The following ELOVL4 variants were observed in gnomAD, a reference collection of about 807,000 sequenced individuals.
ELOVL4 encodes the protein very long chain fatty acid elongase 4.
Under a neutral mutation model 42.1 loss-of-function variants are expected in ELOVL4, and 18 were observed. The observed-to-expected ratio is 0.43, with a 90% CI of 0.30 to 0.63. ELOVL4 has a LOEUF of 0.63. ELOVL4 is among the 30% of genes least tolerant of loss of function. The probability of loss-of-function intolerance (pLI) is 0.15; values close to 1 mark genes in which losing one functional copy is unlikely to be tolerated. For synonymous variants in ELOVL4, 117 were observed against 127.0 expected, an observed-to-expected ratio of 0.92 and a Z score of 0.53; for missense variants, 299 against 376.2, an observed-to-expected ratio of 0.79 and a Z score of 1.70.
At chr6:79,929,938 G>C (rs1043783214) in intron 1 of ELOVL4, among the ~76,000 whole-genome samples, 1 of 152,160 alleles carries the variant, frequency 6.6e-6, no homozygotes, top group Non-Finnish European at 1.5e-5. Context: ...AATAAATAAA[G>C]AGTAGATAAT....
intron 1 of ELOVL4, among the ~76,000 whole-genome samples, chr6:79,939,276 T>C (rs1228705938): frequency 6.6e-6 from 1 of 152,134 alleles, no homozygotes; most frequent in African/African-American, 2.4e-5. Flanking sequence ...TATATGAAAT[T>C]CTTGCATTGC....
intron 4 of ELOVL4, among the ~76,000 whole-genome samples, chr6:79,920,663 A>G (rs1582044883): frequency 6.6e-6 from 1 of 152,204 alleles, no homozygotes; most frequent in Non-Finnish European, 1.5e-5. Context: ...TGCATTAAAC[A>G]AAGTTTGTGT....
chr6:79,932,222 T>C (rs1457463269), intron 1 of ELOVL4, among the ~76,000 whole-genome samples: 1 of 152,180 alleles, frequency 6.6e-6, no homozygotes, highest in East Asian at 1.9e-4. Context: ...GAGTCAATTT[T>C]ACTATTTGCG....
intron 3 of ELOVL4, among the ~76,000 whole-genome samples, chr6:79,923,759 C>T (rs912904684): frequency 2.6e-5 from 4 of 152,190 alleles, no homozygotes; most frequent in Admixed American, 1.3e-4. Context: ...AGTAGATGCT[C>T]AATACATATT....
intron 1 of ELOVL4, among the ~76,000 whole-genome samples, chr6:79,934,782 C>T (rs954119289): frequency 6.6e-5 from 10 of 152,140 alleles, no homozygotes; most frequent in African/African-American, 2.4e-4. Flanking sequence ...AACATGTATA[C>T]AGCATCTGAC....
At chr6:79,928,667 A>G (rs1043696286) in intron 1 of ELOVL4, among the ~76,000 whole-genome samples, 1 of 151,672 alleles carries the variant, frequency 6.6e-6, no homozygotes, top group African/African-American at 2.4e-5. Flanking sequence ...AGAAACAGGA[A>G]ATAACAGAGG....
intron 5 of ELOVL4, among the ~76,000 whole-genome samples, chr6:79,918,889 AAGG>A (rs1458999815): frequency 1.3e-5 from 2 of 152,202 alleles, no homozygotes; most frequent in African/African-American, 4.8e-5. Context: ...AGAGAATTAC[AAGG>A]AGTTCTCTTG....
At chr6:79,928,734 T>G (rs989267014) in intron 1 of ELOVL4, among the ~76,000 whole-genome samples, 2 of 137,384 alleles carry the variant, frequency 1.5e-5, no homozygotes, top group Non-Finnish European at 3.1e-5. Context: ...TGGGTTTTTT[T>G]TTTTTTTTTT....
intron 1 of ELOVL4, among the ~76,000 whole-genome samples, chr6:79,945,147 T>A (rs1250852996): frequency 6.6e-6 from 1 of 152,064 alleles, no homozygotes; most frequent in Non-Finnish European, 1.5e-5. Context: ...CCACTAAGCC[T>A]CTCTGTTGGT....
chr6:79,929,964 C>T (rs563418141), intron 1 of ELOVL4, among the ~76,000 whole-genome samples: 86 of 152,230 alleles, frequency 5.6e-4, no homozygotes, highest in African/African-American at 2.0e-3. Context: ...CACACTATTC[C>T]TCTATTCTCT....
chr6:79,936,197 C>T (rs1360338009), intron 1 of ELOVL4, among the ~76,000 whole-genome samples: 1 of 152,172 alleles, frequency 6.6e-6, no homozygotes, highest in East Asian at 1.9e-4. Flanking sequence ...GTCTAACAAT[C>T]GCTAAATATT....
intron 5 of ELOVL4, among the ~76,000 whole-genome samples, chr6:79,918,976 T>C (rs1442192359): frequency 1.3e-5 from 2 of 152,056 alleles, no homozygotes; most frequent in African/African-American, 4.8e-5. Context: ...TCTAAATATA[T>C]GAGATATGTT....
Position 79,915,771 on chromosome 6 carries a change from A to G in ELOVL4, c.*837T>C, listed in dbSNP as rs1418526020. On this transcript the variant is annotated 3_prime_UTR_variant, in exon 6 of 6. Coordinates refer to ENST00000369816, the MANE Select transcript of ELOVL4 (RefSeq NM_022726.4). ...CTGATAAAAATCAACATATTCTAAC[A>G]GCACATAAATGTAACTATCTTATGA... is the stretch of plus-strand genomic sequence containing the variant. 1.3e-5 allele frequency: 2 copies of G among 152,692 alleles called. No individual in the cohort carries two copies. The highest frequency in any genetic ancestry group is 2.9e-5 in the Non-Finnish European group (2 of 68,012). 9.5% of individuals were successfully genotyped at this position (152,692 alleles called of 1,614,324 possible). A position where few individuals can be genotyped will look rare whatever the true frequency, so the allele number is the denominator to read the frequency against.
At chr6:79,927,842 C>T (rs912244372) in intron 1 of ELOVL4, among the ~76,000 whole-genome samples, 1 of 152,156 alleles carries the variant, frequency 6.6e-6, no homozygotes, top group African/African-American at 2.4e-5. Context: ...AAATCAAACA[C>T]ATTTCAGAGT....
chr6:79,947,520 C>A lies in ELOVL4; in HGVS notation c.-241G>T. 1.8e-6 allele frequency: 1 copy of A among 546,006 alleles called. No individual in the cohort carries two copies. Among genetic ancestry groups the A allele is most frequent in the Non-Finnish European group, 3.3e-6 (1 of 303,856 alleles). The allele number at this position is 546,006 out of a possible 1,614,324, so 33.8% of individuals were successfully genotyped here. ...AGAAAGACGAGGAGGTGGAGGAGGC[C>A]CAGCCGCCAGCACAGTGCGCTGCAC... is the stretch of plus-strand genomic sequence containing the variant. On this transcript the variant is annotated 5_prime_UTR_variant, in exon 1 of 6. Coordinates refer to ENST00000369816, the MANE Select transcript of ELOVL4 (RefSeq NM_022726.4).
At chr6:79,941,288 T>C (rs567979995) in intron 1 of ELOVL4, among the ~76,000 whole-genome samples, 2 of 152,246 alleles carry the variant, frequency 1.3e-5, no homozygotes, top group East Asian at 1.9e-4. Context: ...CAAACTCTCA[T>C]AGCAAATCAG....
chr6:79,921,472 A>AG (rs1260314711), intron 4 of ELOVL4, among the ~76,000 whole-genome samples, 153 bp downstream of exon 4: 3 of 138,766 alleles, frequency 2.2e-5, no homozygotes, highest in Admixed American at 7.0e-5. Flanking sequence ...AAAAAAAAAA[A>AG]AAAAAAAAAA....
chr6:79,919,389 C>T (rs1774212520), intron 5 of ELOVL4, 31 bp downstream of exon 5: 2 of 1,611,310 alleles, frequency 1.2e-6, no homozygotes, highest in East Asian at 2.2e-5. Flanking sequence ...CAGTATTTTA[C>T]CAGAAGAAAC....
At chr6:79,934,056 G>A (rs1202088620) in intron 1 of ELOVL4, among the ~76,000 whole-genome samples, 4 of 152,306 alleles carry the variant, frequency 2.6e-5, no homozygotes, top group South Asian at 2.1e-4. Context: ...TGAACATCTC[G>A]CATCTGAGCT....
Sources: allele counts gnomAD v4.1 joint callset (sites outside exome capture counted in the v4.1 genomes callset), GRCh38; gene constraint gnomAD v4.1.1; transcripts MANE v1.5; gene names NCBI Gene and HGNC (gene_info 2026-07-23, HGNC 2026-07-21).